Variants in DNMT3A observed in about 807,000 individuals in gnomAD.
DNMT3A encodes DNA (cytosine-5)-methyltransferase 3A.
DNMT3A carries 267 observed loss-of-function variants against 117.6 expected under a neutral mutation model. The ratio of observed to expected loss-of-function variants is 2.27; its 90% CI spans 2.05 to 2.51. The LOEUF (loss-of-function observed/expected upper bound fraction) is 2.51, where lower values mean the gene tolerates loss of function less well. Among genes scored for constraint, DNMT3A ranks in the 30% most tolerant of loss-of-function variants. The pLI, the probability that DNMT3A is intolerant of heterozygous loss-of-function variation, is 0.00. For synonymous variants in DNMT3A, 432 were observed against 474.8 expected (o/e 0.91, Z 1.17); for missense variants, 1,029 against 1,260.2 (o/e 0.82, Z 2.78).
chr2:25,268,245 A>G (rs1440811914), intron 6 of DNMT3A, among the ~76,000 whole-genome samples: 3 of 152,332 alleles, frequency 2.0e-5, no homozygotes, highest in South Asian at 2.1e-4. Flanking sequence ...TTCAGGTCGG[A>G]AGCAGGAAAG....
In DNMT3A at chr2:25,305,211, G is replaced by C. The variant is rs1018079234; in HGVS notation, c.73-4968C>G. 1.3e-5 allele frequency among the ~76,000 whole-genome samples: 2 copies of C among 152,198 alleles called. No individual in the cohort carries two copies. Among genetic ancestry groups the C allele is most frequent in the African/African-American group, 2.4e-5 (1 of 41,450 alleles). Reference sequence around the variant, plus strand: ...TACGATTCCAGATTAGGAAACAAGAGGACTAAAACGTCCCTTCTAGACTTA... The same window carrying C: ...TACGATTCCAGATTAGGAAACAAGACGACTAAAACGTCCCTTCTAGACTTA... On this transcript the variant is annotated intron_variant, in intron 2 of 22. Transcript: ENST00000321117. This position sits in a 1 kb window ranked among gnomAD's most constrained non-coding sequence, Gnocchi z 4.1.
At chr2:25,334,650 T>C (rs2035140973) in intron 1 of DNMT3A, among the ~76,000 whole-genome samples, 1 of 152,184 alleles carries the variant, frequency 6.6e-6, no homozygotes, top group African/African-American at 2.4e-5. Context: ...CTTTGTCCCC[T>C]GTCCCTGGCG....
intron 6 of DNMT3A, among the ~76,000 whole-genome samples, chr2:25,266,714 TTA>T (rs1437105826): frequency 3.3e-5 from 5 of 152,230 alleles, no homozygotes; most frequent in Admixed American, 3.3e-4. Flanking sequence ...ATGTTCAACC[TTA>T]TTATCTGGGA....
At chr2:25,258,722 G>T (rs1034602086) in intron 6 of DNMT3A, among the ~76,000 whole-genome samples, 1 of 152,216 alleles carries the variant, frequency 6.6e-6, no homozygotes, top group Non-Finnish European at 1.5e-5. Flanking sequence ...CTCAAGGGAA[G>T]ATGAAAGAGC....
chr2:25,270,295 G>A (rs188422389), intron 6 of DNMT3A, among the ~76,000 whole-genome samples: 93 of 152,290 alleles, frequency 6.1e-4, no homozygotes, highest in African/African-American at 2.2e-3. Flanking sequence ...ATGCGTAGAT[G>A]ACCCCAGGCA....
At chr2:25,280,646 T>G (rs1443039201) in intron 4 of DNMT3A, among the ~76,000 whole-genome samples, 3 of 152,204 alleles carry the variant, frequency 2.0e-5, no homozygotes, top group Non-Finnish European at 4.4e-5. Context: ...TAAGGGTGGA[T>G]TTCTCATTAA....
Position 25,275,022 on chromosome 2 carries a change from C to G in DNMT3A, c.558G>C (p.Pro186=). 6.2e-7 allele frequency: 1 copy of G among 1,611,196 alleles called. No homozygotes were observed. Among genetic ancestry groups the G allele is most frequent in the Non-Finnish European group, 8.5e-7 (1 of 1,179,046 alleles). Residue 186 remains proline, a synonymous_variant, in exon 6 of 23, where the codon CCG becomes CCC. Transcript: ENST00000321117. ...GGTCCCCCGCCTGGAAGGTGAGCCT[C>G]GGCATGGGCCGCTGACGGAGGCTGG... ...WESSLRQRPM[P]RLTFQAGDPY...
intron 19 of DNMT3A, 36 bp from the exon 20 acceptor site, chr2:25,239,251 G>T (rs1361577012): frequency 5.0e-6 from 8 of 1,599,314 alleles, no homozygotes; most frequent in Non-Finnish European, 4.3e-6. Context: ...ATGAGCCAAG[G>T]AGGAGCATGA....
chr2:25,272,377 T>A (rs1489362557), intron 6 of DNMT3A, among the ~76,000 whole-genome samples: 1 of 152,212 alleles, frequency 6.6e-6, no homozygotes, highest in Non-Finnish European at 1.5e-5. Flanking sequence ...GAAAGAACCC[T>A]TTTTTTCACT....
rs963719980 is a variant in DNMT3A, at chr2:25,286,013, T to C, written c.178-3302A>G. 2.0e-5 allele frequency among the ~76,000 whole-genome samples: 3 copies of C among 152,230 alleles called. No individual in the cohort carries two copies. The highest frequency in any genetic ancestry group is 4.4e-5 in the Non-Finnish European group (3 of 68,028). On this transcript the variant is annotated intron_variant, in intron 3 of 22. Transcript: ENST00000321117. This position sits in a 1 kb window ranked among gnomAD's most constrained non-coding sequence, Gnocchi z 4.3. Reference sequence around the variant, plus strand: ...CTTAGGTCAGAGCCAGACTTTTTCATGGCTGCGTCTTCCTTTCTTCTCATC... The same window carrying C: ...CTTAGGTCAGAGCCAGACTTTTTCACGGCTGCGTCTTCCTTTCTTCTCATC...
Position 25,254,938 on chromosome 2 carries a change from T to C in DNMT3A, c.640-6686A>G, listed in dbSNP as rs975752911. Among the ~76,000 whole-genome samples, 6 of 152,178 alleles carry C rather than the reference T, an allele frequency of 3.9e-5. No homozygotes were observed. Among genetic ancestry groups the C allele is most frequent in the South Asian group, 2.1e-4 (1 of 4,834 alleles). On this transcript the variant is annotated intron_variant, in intron 6 of 22. Coordinates refer to ENST00000321117, the MANE Select transcript of DNMT3A (RefSeq NM_022552.5). This position sits in a 1 kb window ranked among gnomAD's most constrained non-coding sequence, Gnocchi z 4.7. ...CACTTTCTCTTGGCCACATATTAGG[T>C]AGCTGTTCCCTCCGGCCGTCAAACT... is the stretch of plus-strand genomic sequence containing the variant.
rs2035330669 is a variant in DNMT3A at position 25,339,426 on chromosome 2, T to C, written c.-178+2400A>G. ...AGGGTCAGTCTCCTATGGAAGGCAC[T>C]GGTGCCTGGGTGGGGTAACGAGGGA... On this transcript the variant is annotated intron_variant, in intron 1 of 22. Coordinates refer to ENST00000321117, the MANE Select transcript of DNMT3A (RefSeq NM_022552.5). The surrounding 1 kb of genome is among the most constrained non-coding windows in gnomAD (Gnocchi z 4.9). Among the ~76,000 whole-genome samples, 1 of 152,214 alleles carries C rather than the reference T, an allele frequency of 6.6e-6. No individual in the cohort carries two copies. The highest frequency in any genetic ancestry group is 1.5e-5 in the Non-Finnish European group (1 of 68,034).
intron 6 of DNMT3A, among the ~76,000 whole-genome samples, chr2:25,268,093 C>T (rs1033097865): frequency 5.9e-5 from 9 of 152,128 alleles, no homozygotes; most frequent in East Asian, 1.9e-4. Context: ...CAGCCCTGGG[C>T]GGAGGGAGTG....
intron 2 of DNMT3A, among the ~76,000 whole-genome samples, chr2:25,308,175 G>T (rs1020407132): frequency 1.3e-5 from 2 of 152,162 alleles, no homozygotes; most frequent in Non-Finnish European, 2.9e-5. Context: ...TAGGTAGGTA[G>T]GTAGGCAGGT....
In DNMT3A at chr2:25,245,351, G is replaced by T. The variant is rs747477062; in HGVS notation, c.1475-19C>A. 1 of 1,611,438 alleles carries T rather than the reference G, an allele frequency of 6.2e-7. No individual in the cohort carries two copies. Among genetic ancestry groups the T allele is most frequent in the African/African-American group, 1.3e-5 (1 of 74,876 alleles). Reference sequence around the variant, plus strand: ...CAGATGTCTGGAAAGCAGAGGGAGGGGATGGGGTGAGTACCACCGAAGGGC... The same window carrying T: ...CAGATGTCTGGAAAGCAGAGGGAGGTGATGGGGTGAGTACCACCGAAGGGC... On this transcript the variant is annotated intron_variant, in intron 12 of 22. Transcript: ENST00000321117.
At chr2:25,263,633 C>G (rs928866962) in intron 6 of DNMT3A, among the ~76,000 whole-genome samples, 1 of 152,174 alleles carries the variant, frequency 6.6e-6, no homozygotes, top group Non-Finnish European at 1.5e-5. Context: ...GCCTCCCTGA[C>G]AAGCAGTCTG....
chr2:25,290,278 C>T (rs1014846394), intron 3 of DNMT3A, among the ~76,000 whole-genome samples: 18 of 151,736 alleles, frequency 1.2e-4, no homozygotes, highest in Non-Finnish European at 2.4e-4. Context: ...GAGCTGGGAC[C>T]ACTGGCATGT....
chr2:25,247,243 G>T lies in DNMT3A; in HGVS notation c.1015-85C>A. ...GCCTTGCAACTGGCAGGGGCTGGGA[G>T]CCTCGAGAGTCAGTCTCAGCCCTGG... On this transcript the variant is annotated intron_variant, in intron 8 of 22. Coordinates refer to ENST00000321117, the MANE Select transcript of DNMT3A (RefSeq NM_022552.5). The surrounding 1 kb of genome is among the most constrained non-coding windows in gnomAD (Gnocchi z 5.6). The T allele has an allele frequency of 7.3e-7, 1 of 1,362,034 alleles. No homozygotes were observed. Among genetic ancestry groups the T allele is most frequent in the Non-Finnish European group, 1.0e-6 (1 of 970,136 alleles). 84.4% of individuals were successfully genotyped at this position (1,362,034 alleles called of 1,614,324 possible).
chr2:25,300,314 G>A (rs542702067), intron 2 of DNMT3A, 71 bp from the exon 3 acceptor site: 2 of 1,514,500 alleles, frequency 1.3e-6, no homozygotes, highest in Admixed American at 1.9e-5. Context: ...GCCTGTCTGG[G>A]GCTGGCCCTG....
Sources: gnomAD v4.1 joint callset for allele counts (sites outside exome capture counted in the v4.1 genomes callset) on GRCh38, gnomAD v4.1.1 for gene constraint, Gnocchi (gnomAD v3.1) non-coding constraint, MANE v1.5 for transcripts, NCBI Gene and HGNC (gene_info 2026-07-23, HGNC 2026-07-21) for gene names.